NELL1: variants seen among roughly 807,000 people sequenced by gnomAD.
NELL1 encodes the protein protein kinase C-binding protein NELL1.
A neutral mutation model predicts 107.4 loss-of-function variants in NELL1; 76 were observed. That is an observed-to-expected ratio of 0.71 (90% CI 0.59 to 0.86). The LOEUF (loss-of-function observed/expected upper bound fraction) is 0.86. Ranked by LOEUF, NELL1 falls within the 40% of genes least tolerant of loss-of-function variation. The probability of loss-of-function intolerance (pLI) is 0.00; values close to 1 mark genes in which losing one functional copy is unlikely to be tolerated. For missense variants in NELL1, 1,024 were observed against 1,005.5 expected (o/e 1.02, Z -0.25); for synonymous variants, 353 against 341.2 (o/e 1.03, Z -0.38).
At chr11:21,528,840 T>C (rs1406538547) in intron 15 of NELL1, among the ~76,000 whole-genome samples, 1 of 152,106 alleles carries the variant, frequency 6.6e-6, no homozygotes, top group Non-Finnish European at 1.5e-5. Flanking sequence ...ATCTTGACTC[T>C]TGACTTTTAG....
At chr11:21,554,121 C>T (rs1043704665) in intron 16 of NELL1, among the ~76,000 whole-genome samples, 2 of 151,806 alleles carry the variant, frequency 1.3e-5, no homozygotes, top group African/African-American at 4.8e-5. Context: ...TTTATTCTCT[C>T]TGCTGGTCAG....
intron 13 of NELL1, among the ~76,000 whole-genome samples, chr11:21,136,817 G>T (rs977743468): frequency 8.5e-5 from 13 of 152,104 alleles, no homozygotes; most frequent in African/African-American, 2.9e-4. Context: ...GTAAAAAATG[G>T]TCTGCAGTAA....
chr11:20,677,485 C>T (rs1229371399), intron 1 of NELL1, among the ~76,000 whole-genome samples: 1 of 152,156 alleles, frequency 6.6e-6, no homozygotes, highest in East Asian at 1.9e-4. Flanking sequence ...AAGACTTGAT[C>T]TAAACTGATA....
intron 3 of NELL1, among the ~76,000 whole-genome samples, chr11:20,820,187 C>G (rs145687869): frequency 1.3e-5 from 2 of 152,236 alleles, no homozygotes; most frequent in East Asian, 3.9e-4. Context: ...GCTTGGAGAA[C>G]AGTGATGTTT....
chr11:20,685,999 C>T (rs1377753241), intron 2 of NELL1, among the ~76,000 whole-genome samples: 1 of 151,928 alleles, frequency 6.6e-6, no homozygotes, highest in Non-Finnish European at 1.5e-5. Flanking sequence ...CCTCAGTTTC[C>T]TTGTCTGGAA....
chr11:21,097,798 TATC>T (rs1590632801), intron 12 of NELL1, among the ~76,000 whole-genome samples: 1 of 152,204 alleles, frequency 6.6e-6, no homozygotes, highest in Non-Finnish European at 1.5e-5. Flanking sequence ...CTGCATGAGT[TATC>T]ATGTCATTTC....
At chr11:20,868,216 A>C (rs897230579) in intron 4 of NELL1, among the ~76,000 whole-genome samples, 62 of 152,328 alleles carry the variant, frequency 4.1e-4, no homozygotes, top group African/African-American at 1.4e-3. Context: ...TAGAGGTGGG[A>C]TTGAAACCCA....
At chr11:21,209,795 C>T (rs1000876473) in intron 13 of NELL1, among the ~76,000 whole-genome samples, 39 of 152,112 alleles carry the variant, frequency 2.6e-4, no homozygotes, top group Admixed American at 1.8e-3. Flanking sequence ...AAAAAAGAAG[C>T]GAAGCTATTT....
chr11:21,061,199 G>A (rs1414823066), intron 12 of NELL1, among the ~76,000 whole-genome samples: 1 of 152,210 alleles, frequency 6.6e-6, no homozygotes, highest in African/African-American at 2.4e-5. Context: ...GAGTTCACAT[G>A]GAGTTTATAT....
At chr11:21,175,382 T>G (rs563643852) in intron 13 of NELL1, among the ~76,000 whole-genome samples, 1 of 152,012 alleles carries the variant, frequency 6.6e-6, no homozygotes, top group Admixed American at 6.5e-5. Context: ...TTATTGTGAA[T>G]GCACATATGT....
intron 15 of NELL1, among the ~76,000 whole-genome samples, chr11:21,406,040 T>C (rs1250861432): frequency 6.6e-6 from 1 of 151,874 alleles, no homozygotes; most frequent in Non-Finnish European, 1.5e-5. Context: ...CATACACAGA[T>C]AGGAACAGAG....
At chr11:21,512,972 T>C (rs867036241) in intron 15 of NELL1, among the ~76,000 whole-genome samples, 14 of 152,174 alleles carry the variant, frequency 9.2e-5, no homozygotes, top group African/African-American at 3.4e-4. Context: ...TTTGACCATT[T>C]TGGATTTAAA....
intron 3 of NELL1, among the ~76,000 whole-genome samples, chr11:20,815,337 C>T (rs1857600998): frequency 6.6e-6 from 1 of 152,138 alleles, no homozygotes; most frequent in South Asian, 2.1e-4. Context: ...CCACCCGCCT[C>T]AGCCTCCCAA....
At position 20,924,344 on chromosome 11, in the gene NELL1, G is replaced by T. The variant is rs1011040662; in HGVS notation, c.760-2964G>T. 3.9e-5 allele frequency among the ~76,000 whole-genome samples: 6 copies of T among 152,212 alleles called. No individual in the cohort carries two copies. The South Asian group carries it at 6.2e-4, about 16-fold the overall frequency. On this transcript the variant is annotated intron_variant, in intron 7 of 19. Transcript: ENST00000357134. ...CCCTTTGCCTTTGTGTCTATTTGGT[G>T]TGCTCTTATTATTACAGACAATAGG...
At chr11:21,431,805 A>C (rs1852973009) in intron 15 of NELL1, among the ~76,000 whole-genome samples, 3 of 151,962 alleles carry the variant, frequency 2.0e-5, no homozygotes, top group Non-Finnish European at 4.4e-5. Flanking sequence ...TTTTATGCTC[A>C]ACTCTGTTGT....
chr11:20,840,375 G>A (rs999201998), intron 3 of NELL1, among the ~76,000 whole-genome samples: 1 of 152,204 alleles, frequency 6.6e-6, no homozygotes, highest in Admixed American at 6.5e-5. Context: ...TTTGCTCACA[G>A]TTTCTGTGGA....
At chr11:21,030,547 C>T (rs1366472239) in intron 12 of NELL1, among the ~76,000 whole-genome samples, 2 of 151,926 alleles carry the variant, frequency 1.3e-5, no homozygotes, top group African/African-American at 4.8e-5. Context: ...CTAACCAGGC[C>T]ATTGCCTCAT....
intron 4 of NELL1, among the ~76,000 whole-genome samples, chr11:20,882,864 A>T (rs115812226): frequency 6.6e-6 from 1 of 152,036 alleles, no homozygotes; most frequent in African/African-American, 2.4e-5. Context: ...TTTAATCTCC[A>T]ACTGTTGTTC....
rs76944274 is a variant in NELL1, at chr11:21,223,409, G to A, written c.1427-5923G>A. ...TTCTGCTCACTTTTGATATCTATTT[G>A]TGTGGAATATATTTTTTATCCCTTT... On this transcript the variant is annotated intron_variant, in intron 13 of 19. Coordinates refer to ENST00000357134, the MANE Select transcript of NELL1 (RefSeq NM_006157.5). Among the ~76,000 whole-genome samples the A allele has an allele frequency of 3.5e-3, 532 of 151,438 alleles. 6 individuals are homozygous for A. The highest frequency in any genetic ancestry group is 0.013 in the African/African-American group (520 of 41,244).
Sources: gnomAD v4.1 joint callset for allele counts (sites outside exome capture counted in the v4.1 genomes callset) on GRCh38, gnomAD v4.1.1 for gene constraint, MANE v1.5 for transcripts, NCBI Gene and HGNC (gene_info 2026-07-23, HGNC 2026-07-21) for gene names.